Variants in HPSE2 observed in about 807,000 individuals in gnomAD.
HPSE2 encodes heparanase 2 (inactive).
A neutral mutation model predicts 60.5 loss-of-function variants in HPSE2; 38 were observed. The observed-to-expected ratio is 0.63, with a 90% CI of 0.48 to 0.82. The LOEUF (loss-of-function observed/expected upper bound fraction) is 0.82. Ranked by LOEUF, HPSE2 falls within the 40% of genes least tolerant of loss-of-function variation. The pLI, the probability that HPSE2 is intolerant of heterozygous loss-of-function variation, is 0.00. For missense variants in HPSE2, 713 were observed against 740.4 expected (o/e 0.96, Z 0.43); for synonymous variants, 295 against 293.2 (o/e 1.01, Z -0.06).
intron 9 of HPSE2, among the ~76,000 whole-genome samples, chr10:98,557,746 C>T (rs185782293): frequency 6.6e-6 from 1 of 152,186 alleles, no homozygotes; most frequent in Non-Finnish European, 1.5e-5. Flanking sequence ...GTCAAGAGAT[C>T]GAGACCAGCC....
chr10:98,995,612 A>G (rs777049031), intron 3 of HPSE2, among the ~76,000 whole-genome samples: 1 of 152,178 alleles, frequency 6.6e-6, no homozygotes, highest in Non-Finnish European at 1.5e-5. Flanking sequence ...CTTAAGATAA[A>G]TATTCTATTC....
chr10:98,937,716 A>G (rs1954848565), intron 3 of HPSE2, among the ~76,000 whole-genome samples: 1 of 141,624 alleles, frequency 7.1e-6, no homozygotes, highest in Admixed American at 7.0e-5. Flanking sequence ...TCCCTGTCTG[A>G]CAGCTTTGAA....
chr10:98,511,376 G>A (rs1201106330), intron 9 of HPSE2, among the ~76,000 whole-genome samples: 6 of 152,010 alleles, frequency 3.9e-5, no homozygotes, highest in South Asian at 2.1e-4. Flanking sequence ...GGTCTTGATC[G>A]CCTGACTTCA....
chr10:98,827,914 A>T (rs2134640542), intron 3 of HPSE2, among the ~76,000 whole-genome samples: 1 of 152,344 alleles, frequency 6.6e-6, no homozygotes, highest in Middle Eastern at 3.4e-3. Flanking sequence ...CATTTAAATC[A>T]GTAGACCTTG....
intron 3 of HPSE2, among the ~76,000 whole-genome samples, chr10:98,994,205 C>T (rs1256595846): frequency 1.3e-5 from 2 of 152,206 alleles, no homozygotes; most frequent in African/African-American, 4.8e-5. Flanking sequence ...CTTATAACCA[C>T]AGAAGGTGCA....
At chr10:99,084,849 T>C (rs1211146418) in intron 3 of HPSE2, among the ~76,000 whole-genome samples, 1 of 152,228 alleles carries the variant, frequency 6.6e-6, no homozygotes, top group African/African-American at 2.4e-5. Context: ...TACCACTGCC[T>C]GACACACAGA....
At chr10:99,135,982 A>AACAAACCACTGCTCAGTGAAATAAAAGAC in intron 3 of HPSE2, among the ~76,000 whole-genome samples, 1 of 152,236 alleles carries the variant, frequency 6.6e-6, no homozygotes, top group Admixed American at 6.5e-5. Flanking sequence ...CAAAATACAT[A>AACAAACCACTGCTCAGTGAAATAAAAGAC]GACCACTAGC....
intron 3 of HPSE2, among the ~76,000 whole-genome samples, chr10:99,121,076 C>T (rs117269431): frequency 0.019 from 2,904 of 152,170 alleles, 52 homozygotes; most frequent in Non-Finnish European, 0.027. Context: ...CAATGGTAGA[C>T]AGAATAAAGA....
chr10:98,945,418 T>C (rs1202176801), intron 3 of HPSE2, among the ~76,000 whole-genome samples: 1 of 152,178 alleles, frequency 6.6e-6, no homozygotes, highest in African/African-American at 2.4e-5. Context: ...ACTTATCATA[T>C]TTGTAGATGA....
At chr10:98,596,465 T>C (rs1011935857) in intron 9 of HPSE2, among the ~76,000 whole-genome samples, 9 of 86,218 alleles carry the variant, frequency 1.0e-4, no homozygotes, top group Non-Finnish European at 2.3e-4. Context: ...CGTTACTAAT[T>C]AGCATCCTTT....
chr10:98,541,494 G>A (rs916018856), intron 9 of HPSE2, among the ~76,000 whole-genome samples: 14 of 152,156 alleles, frequency 9.2e-5, no homozygotes, highest in East Asian at 3.9e-4. Context: ...CACACCGTGC[G>A]CGAGCCGAAT....
At chr10:98,664,746 T>TGTTAAAGACAAATAAAGATCC (rs1565061325) in intron 6 of HPSE2, among the ~76,000 whole-genome samples, 2 of 152,160 alleles carry the variant, frequency 1.3e-5, no homozygotes, top group Non-Finnish European at 2.9e-5. Flanking sequence ...AATAAAGATC[T>TGTTAAAGACAAATAAAGATCC]TGTTAAGAGC....
In HPSE2 at chr10:98,998,731, T is replaced by C. The variant is rs114992404; in HGVS notation, c.610+145507A>G. 3.4e-3 allele frequency among the ~76,000 whole-genome samples: 521 copies of C among 152,312 alleles called. 5 individuals carry two copies. The highest frequency in any genetic ancestry group is 0.014 in the Middle Eastern group (4 of 294). ...TCCCCCTTTATACTCATGTATTCAC[T>C]ATTTAAAAAGCCAGGTAAAGAAAAC... On this transcript the variant is annotated intron_variant, in intron 3 of 11. Transcript: ENST00000370552.
chr10:99,034,576 T>C (rs1021877432), intron 3 of HPSE2, among the ~76,000 whole-genome samples: 3 of 152,152 alleles, frequency 2.0e-5, no homozygotes, highest in Admixed American at 2.0e-4. Flanking sequence ...ATGATACGTG[T>C]ACACAGAGAC....
At chr10:99,226,563 A>G (rs1165133193) in intron 2 of HPSE2, among the ~76,000 whole-genome samples, 3 of 152,044 alleles carry the variant, frequency 2.0e-5, no homozygotes, top group Non-Finnish European at 4.4e-5. Context: ...ATAATACATG[A>G]TATCAATATG....
intron 3 of HPSE2, among the ~76,000 whole-genome samples, chr10:98,795,280 A>T (rs1950754487): frequency 6.6e-6 from 1 of 152,244 alleles, no homozygotes; most frequent in South Asian, 2.1e-4. Flanking sequence ...TGAAGAGGGT[A>T]GGAGAGACAG....
At chr10:98,667,360 T>C (rs1379608189) in intron 6 of HPSE2, among the ~76,000 whole-genome samples, 1 of 152,180 alleles carries the variant, frequency 6.6e-6, no homozygotes, top group Non-Finnish European at 1.5e-5. Flanking sequence ...AAAGAAGAAC[T>C]GGTATCAATC....
chr10:98,731,074 C>G (rs1949215454), intron 4 of HPSE2, among the ~76,000 whole-genome samples: 1 of 152,128 alleles, frequency 6.6e-6, no homozygotes, highest in South Asian at 2.1e-4. Flanking sequence ...CATTTGAGGT[C>G]AGAAGTTCAA....
intron 2 of HPSE2, among the ~76,000 whole-genome samples, chr10:99,225,822 T>G (rs1444282556): frequency 6.6e-6 from 1 of 152,070 alleles, no homozygotes; most frequent in Non-Finnish European, 1.5e-5. Flanking sequence ...TAATCTGATC[T>G]GGATTTACCC....
Sources: allele counts gnomAD v4.1 joint callset (sites outside exome capture counted in the v4.1 genomes callset), GRCh38; gene constraint gnomAD v4.1.1; transcripts MANE v1.5; gene names NCBI Gene and HGNC (gene_info 2026-07-23, HGNC 2026-07-21).